Variants in TRPS1 observed in about 807,000 individuals in gnomAD.
The protein encoded by TRPS1 is zinc finger transcription factor Trps1.
In TRPS1, 6 loss-of-function variants were observed where a neutral mutation model predicts 101.2. The observed-to-expected ratio is 0.06, with a 90% CI of 0.03 to 0.12. The LOEUF (loss-of-function observed/expected upper bound fraction) is 0.12, where lower values mean the gene tolerates loss of function less well. Ranked by LOEUF, TRPS1 falls within the 10% of genes least tolerant of loss-of-function variation. The probability of loss-of-function intolerance (pLI) is 1.00; values close to 1 mark genes in which losing one functional copy is unlikely to be tolerated. For synonymous variants in TRPS1, 578 were observed against 589.8 expected, an observed-to-expected ratio of 0.98 and a Z score of 0.29; for missense variants, 1,363 against 1,567.0, an observed-to-expected ratio of 0.87 and a Z score of 2.20.
intron 5 of TRPS1, among the ~76,000 whole-genome samples, chr8:115,491,891 A>G (rs1328094450): frequency 1.3e-5 from 2 of 152,102 alleles, no homozygotes; most frequent in African/African-American, 4.8e-5. Context: ...CCAAATACAA[A>G]CGAGTTAATA....
chr8:115,603,614 G>C (rs1817957528), intron 4 of TRPS1, among the ~76,000 whole-genome samples: 1 of 152,086 alleles, frequency 6.6e-6, no homozygotes. Flanking sequence ...AATTTAAAAA[G>C]ACAATCAGTA....
At position 115,619,469 on chromosome 8, in the gene TRPS1, A is replaced by G. The variant is rs1477193921; in HGVS notation, c.629T>C (p.Leu210Pro). 1.2e-6 allele frequency: 2 copies of G among 1,614,196 alleles called. No homozygotes were observed. Among genetic ancestry groups the G allele is most frequent in the East Asian group, 2.2e-5 (1 of 44,880 alleles). Residue 210 changes from leucine (L) to proline (P), a missense_variant, in exon 3 of 7, where the codon CTG becomes CCG. Leu to Pro is a moderately conservative substitution (Grantham distance 98). This residue lies in a region of TRPS1 where 1,020 missense variants were observed against 1,073.0 expected (regional missense o/e 0.95). Transcript: ENST00000395715. ...PQVPSDGGVR[L>P]NKSKTDLLVN... ...CAGTAAGTCAGTTTTGGATTTATTC[A>G]GTCTTACACCCCCATCTGAAGGCAC...
At chr8:115,421,227 T>C (rs1813046003) in intron 5 of TRPS1, among the ~76,000 whole-genome samples, 1 of 152,134 alleles carries the variant, frequency 6.6e-6, no homozygotes, top group African/African-American at 2.4e-5. Flanking sequence ...TCAAGTGATC[T>C]GCCCGCCTCG....
chr8:115,437,293 C>T (rs543003217), intron 5 of TRPS1, among the ~76,000 whole-genome samples: 1 of 152,324 alleles, frequency 6.6e-6, no homozygotes, highest in East Asian at 1.9e-4. Flanking sequence ...CAGGGATACC[C>T]CCATGACGGG....
chr8:115,425,427 G>A (rs1367853141), intron 5 of TRPS1, among the ~76,000 whole-genome samples: 2 of 152,198 alleles, frequency 1.3e-5, no homozygotes, highest in Non-Finnish European at 2.9e-5. Flanking sequence ...ATGGAGACCA[G>A]TGTAAACTAA....
chr8:115,573,784 A>G (rs1817259198), intron 5 of TRPS1, among the ~76,000 whole-genome samples: 2 of 152,136 alleles, frequency 1.3e-5, no homozygotes, highest in Admixed American at 1.3e-4. Flanking sequence ...TACTATACCT[A>G]ACTTTTCATC....
At chr8:115,576,721 C>T (rs1205469693) in intron 5 of TRPS1, among the ~76,000 whole-genome samples, 1 of 152,144 alleles carries the variant, frequency 6.6e-6, no homozygotes, top group Non-Finnish European at 1.5e-5. Context: ...AAATGTGGAG[C>T]ATACCTACCT....
At chr8:115,643,965 A>G (rs1365916094) in intron 1 of TRPS1, among the ~76,000 whole-genome samples, 1 of 152,190 alleles carries the variant, frequency 6.6e-6, no homozygotes, top group Non-Finnish European at 1.5e-5. Flanking sequence ...GACTGCGTGC[A>G]TTGTCAGTGA....
chr8:115,587,284 G>C lies in TRPS1; in HGVS notation c.2417C>G (p.Thr806Ser). The change falls in exon 5 of 7, where the codon ACT becomes AGT. Residue 806 changes from threonine (T) to serine (S), a missense_variant. By Grantham distance (58) the Thr-to-Ser change is moderately conservative (BLOSUM62 1). This residue lies in a region of TRPS1 where 1,020 missense variants were observed against 1,073.0 expected (regional missense o/e 0.95). Transcript: ENST00000395715. ...CCGCAGGATGTCTGCCCCTCTCCAAGTCACATTGCGAAGGTCATCACTGGA... is the reference window on the plus strand; with the variant it reads ...CCGCAGGATGTCTGCCCCTCTCCAACTCACATTGCGAAGGTCATCACTGGA... ...ESSSDDLRNV[T>S]WRGADILRGS... is the part of the protein sequence containing the mutation. The C allele has an allele frequency of 6.2e-7, 1 of 1,614,236 alleles. No individual in the cohort carries two copies. The highest frequency in any genetic ancestry group is 8.5e-7 in the Non-Finnish European group (1 of 1,180,042).
chr8:115,440,652 A>G (rs1813570857), intron 5 of TRPS1, among the ~76,000 whole-genome samples: 1 of 152,218 alleles, frequency 6.6e-6, no homozygotes, highest in Non-Finnish European at 1.5e-5. Flanking sequence ...TAAGTCTTAT[A>G]ATAAGTTTGT....
intron 1 of TRPS1, 44 bp from the exon 2 acceptor site, chr8:115,623,802 T>C: frequency 1.4e-6 from 2 of 1,409,942 alleles, no homozygotes; most frequent in Non-Finnish European, 1.8e-6. Flanking sequence ...CTAAATGATG[T>C]AAACATATTT....
intron 5 of TRPS1, among the ~76,000 whole-genome samples, chr8:115,533,500 A>C: frequency 7.5e-6 from 1 of 134,080 alleles, no homozygotes; most frequent in African/African-American, 2.7e-5. Flanking sequence ...AAATATTTCA[A>C]ACATGCAAAC....
intron 4 of TRPS1, among the ~76,000 whole-genome samples, chr8:115,593,820 A>T (rs900140346): frequency 6.6e-6 from 1 of 152,182 alleles, no homozygotes; most frequent in Admixed American, 6.5e-5. Context: ...ATTCAATCCA[A>T]GAATAAATCT....
At chr8:115,578,172 A>C (rs182465970) in intron 5 of TRPS1, among the ~76,000 whole-genome samples, 86 of 152,328 alleles carry the variant, frequency 5.6e-4, no homozygotes, top group Middle Eastern at 6.8e-3. Flanking sequence ...ATGTGATAAA[A>C]TTGCCACTTG....
intron 5 of TRPS1, among the ~76,000 whole-genome samples, chr8:115,535,208 G>GTA (rs1415092266): frequency 9.0e-6 from 1 of 110,704 alleles, no homozygotes; most frequent in African/African-American, 4.0e-5. Context: ...TATAGCATAT[G>GTA]TATAGCATAT....
chr8:115,603,109 A>G (rs1034525351), intron 4 of TRPS1, among the ~76,000 whole-genome samples: 1 of 152,172 alleles, frequency 6.6e-6, no homozygotes, highest in Non-Finnish European at 1.5e-5. Flanking sequence ...TTTGAAATCA[A>G]TTAATTAAAG....
chr8:115,472,289 C>T lies in TRPS1; in HGVS notation c.2701-53837G>A, dbSNP rs7824254. Among the ~76,000 whole-genome samples, 1,115 of 152,340 alleles carry T rather than the reference C, an allele frequency of 7.3e-3. 19 individuals carry two copies. The highest frequency in any genetic ancestry group is 0.025 in the African/African-American group (1,045 of 41,570). ...CTGTGAACCTTCAGGCCCAACACCA[C>T]GTGGAAGCCACCAAGTCTTGGGGCT... On this transcript the variant is annotated intron_variant, in intron 5 of 6. Transcript: ENST00000395715.
intron 5 of TRPS1, among the ~76,000 whole-genome samples, chr8:115,461,487 A>G (rs755715496): frequency 2.6e-5 from 4 of 152,166 alleles, no homozygotes; most frequent in Non-Finnish European, 5.9e-5. Flanking sequence ...AAAGACACTG[A>G]ATCCCTTGTG....
At chr8:115,440,270 G>A (rs1228888612) in intron 5 of TRPS1, among the ~76,000 whole-genome samples, 4 of 152,212 alleles carry the variant, frequency 2.6e-5, no homozygotes, top group Non-Finnish European at 1.5e-5. Flanking sequence ...GGGAGTTAAT[G>A]GCTAGGTGCA....
Sources: allele counts gnomAD v4.1 joint callset (sites outside exome capture counted in the v4.1 genomes callset), GRCh38; gene constraint gnomAD v4.1.1; regional missense constraint gnomAD v4.1.1; transcripts MANE v1.5; gene names NCBI Gene and HGNC (gene_info 2026-07-23, HGNC 2026-07-21).